MYO16: variants seen among roughly 807,000 people sequenced by gnomAD.
The protein encoded by MYO16 is unconventional myosin-XVI.
A neutral mutation model predicts 205.3 loss-of-function variants in MYO16; 94 were observed. The observed-to-expected ratio is 0.46, with a 90% CI of 0.39 to 0.54. The LOEUF is 0.54. Among genes scored for constraint, MYO16 ranks in the 20% least tolerant of loss-of-function variants. The pLI is 0.00. For synonymous variants in MYO16, 988 were observed against 954.0 expected, an observed-to-expected ratio of 1.04 and a Z score of -0.66; for missense variants, 2,315 against 2,387.5, an observed-to-expected ratio of 0.97 and a Z score of 0.63.
chr13:109,192,324 T>G (rs1453524182), intron 34 of MYO16, among the ~76,000 whole-genome samples: 1 of 152,228 alleles, frequency 6.6e-6, no homozygotes, highest in Non-Finnish European at 1.5e-5. Flanking sequence ...AAAGGACTAT[T>G]AATTTAAAAT....
chr13:108,912,827 G>T (rs1386155328), intron 16 of MYO16, among the ~76,000 whole-genome samples: 1 of 152,080 alleles, frequency 6.6e-6, no homozygotes, highest in Non-Finnish European at 1.5e-5. Context: ...CTGTGTCTAT[G>T]TGTGTGTGTC....
At chr13:108,791,039 T>G (rs1235525441) in intron 5 of MYO16, among the ~76,000 whole-genome samples, 2 of 152,184 alleles carry the variant, frequency 1.3e-5, no homozygotes, top group African/African-American at 2.4e-5. Context: ...GCATGCAAAA[T>G]TGAAGGCTGA....
At chr13:108,938,670 G>A (rs1471137515) in intron 16 of MYO16, among the ~76,000 whole-genome samples, 2 of 152,232 alleles carry the variant, frequency 1.3e-5, no homozygotes, top group Non-Finnish European at 2.9e-5. Context: ...TCTCTGAACA[G>A]GCATTCTCCA....
chr13:109,032,214 A>G (rs559770853), intron 23 of MYO16, among the ~76,000 whole-genome samples: 63 of 152,110 alleles, frequency 4.1e-4, no homozygotes, highest in African/African-American at 1.5e-3. Context: ...CCAACTTCCC[A>G]TGTGTCTCTT....
the MYO16 span, among the ~76,000 whole-genome samples, chr13:108,549,722 A>T: frequency 6.6e-6 from 1 of 152,232 alleles, no homozygotes; most frequent in Non-Finnish European, 1.5e-5. Flanking sequence ...GCTATTTGAG[A>T]TGAACAACTT....
At chr13:108,730,159 A>G (rs749966886) in intron 4 of MYO16, among the ~76,000 whole-genome samples, 4 of 152,134 alleles carry the variant, frequency 2.6e-5, no homozygotes, top group Non-Finnish European at 4.4e-5. Context: ...ATGTCATAAG[A>G]GGTAACTGAA....
Position 109,055,325 on chromosome 13 carries a change from A to G in MYO16, c.3130-65A>G. 7.4e-7 allele frequency: 1 copy of G among 1,345,628 alleles called. No individual in the cohort carries two copies. The highest frequency in any genetic ancestry group is 1.0e-6 in the Non-Finnish European group (1 of 972,382). 83.4% of individuals were successfully genotyped at this position (1,345,628 alleles called of 1,614,324 possible). On this transcript the variant is annotated intron_variant, in intron 26 of 34. Transcript: ENST00000457511. This position sits in a 1 kb window ranked among gnomAD's most constrained non-coding sequence, Gnocchi z 5.0. ...AGACGTAAAGACTTTTTATTTAAAA[A>G]CTGCTTTATATTTTTAGCTAGTGTC...
At chr13:108,503,927 AG>A in the MYO16 span, among the ~76,000 whole-genome samples, 1 of 152,002 alleles carries the variant, frequency 6.6e-6, no homozygotes, top group South Asian at 2.1e-4. Flanking sequence ...ATTAATTTCC[AG>A]GGTTCCTGTG....
the MYO16 span, among the ~76,000 whole-genome samples, chr13:108,560,546 C>T: frequency 0.39 from 59,563 of 152,014 alleles, 12,792 homozygotes; most frequent in East Asian, 0.56. Flanking sequence ...AATGTACTGT[C>T]TACTTTGCAC....
At chr13:108,588,377 C>A in the MYO16 span, among the ~76,000 whole-genome samples, 1 of 152,108 alleles carries the variant, frequency 6.6e-6, no homozygotes. Flanking sequence ...ACTGGCTCAG[C>A]GCTAGGTAGA....
intron 1 of MYO16, among the ~76,000 whole-genome samples, chr13:108,658,811 G>A (rs1293320887): frequency 6.6e-6 from 1 of 152,126 alleles, no homozygotes; most frequent in South Asian, 2.1e-4. Context: ...TGGCCTAAGA[G>A]ACAGTTAATA....
intron 2 of MYO16, among the ~76,000 whole-genome samples, chr13:108,676,792 G>A (rs1012748637): frequency 1.2e-4 from 18 of 152,184 alleles, no homozygotes; most frequent in Admixed American, 8.5e-4. Flanking sequence ...CCCAGAATGG[G>A]AAATGTACTT....
chr13:108,727,410 T>A (rs1415104602), intron 3 of MYO16, 30 bp from the exon 4 acceptor site: 1 of 1,602,958 alleles, frequency 6.2e-7, no homozygotes, highest in Non-Finnish European at 8.5e-7. Flanking sequence ...TTTGTAATAA[T>A]TTGATATTTC....
chr13:108,908,987 A>AAAAAAT (rs1555311598), intron 15 of MYO16, among the ~76,000 whole-genome samples: 2 of 148,920 alleles, frequency 1.3e-5, no homozygotes, highest in East Asian at 2.0e-4. Flanking sequence ...AAAATAAAAT[A>AAAAAAT]AAATAAATAA....
chr13:108,827,252 T>A (rs1180920267), intron 9 of MYO16, among the ~76,000 whole-genome samples: 1 of 152,164 alleles, frequency 6.6e-6, no homozygotes, highest in Non-Finnish European at 1.5e-5. Context: ...ATTTGTTTTT[T>A]TTTCCCCCAG....
chr13:108,501,342 C>A, the MYO16 span, among the ~76,000 whole-genome samples: 1 of 152,146 alleles, frequency 6.6e-6, no homozygotes, highest in Admixed American at 6.5e-5. Flanking sequence ...TGCTTAGGGA[C>A]CCTCTATCTC....
chr13:108,511,324 G>GT, the MYO16 span, among the ~76,000 whole-genome samples: 1 of 111,044 alleles, frequency 9.0e-6, no homozygotes. Context: ...GGGGTTGTTT[G>GT]TTTTTTTCTT....
At chr13:108,644,358 GTCTGTCTATCTA>G (rs1303581116) in intron 1 of MYO16, among the ~76,000 whole-genome samples, 39 of 124,378 alleles carry the variant, frequency 3.1e-4, no homozygotes, top group East Asian at 1.8e-3. Context: ...CTATCTGTCT[GTCTGTCTATCTA>G]TCTATCTATC....
At chr13:109,000,948 T>G (rs1885191187) in intron 21 of MYO16, among the ~76,000 whole-genome samples, 1 of 151,976 alleles carries the variant, frequency 6.6e-6, no homozygotes, top group South Asian at 2.1e-4. Flanking sequence ...AGTCATGAAT[T>G]AAACCCATCA....
Sources: allele counts gnomAD v4.1 joint callset (sites outside exome capture counted in the v4.1 genomes callset), GRCh38; gene constraint gnomAD v4.1.1; non-coding constraint Gnocchi (gnomAD v3.1); transcripts MANE v1.5; gene names NCBI Gene and HGNC (gene_info 2026-07-23, HGNC 2026-07-21).